Variants in CLYBL observed in about 807,000 individuals in gnomAD.
CLYBL encodes the protein citramalyl-CoA lyase, mitochondrial.
CLYBL carries 31 observed loss-of-function variants against 38.9 expected under a neutral mutation model. That is an observed-to-expected ratio of 0.80 (90% confidence interval 0.60 to 1.08). CLYBL has a LOEUF of 1.08. Among genes scored for constraint, CLYBL ranks in the 50% least tolerant of loss-of-function variants. The pLI is 0.00. For missense variants in CLYBL, 434 were observed against 411.6 expected (o/e 1.05, Z -0.47); for synonymous variants, 171 against 158.6 (o/e 1.08, Z -0.59).
downstream of CLYBL, chr13:99,894,179 C>T (rs2052541481): frequency 1.3e-5 from 2 of 152,434 alleles, no homozygotes; most frequent in African/African-American, 4.8e-5. Flanking sequence ...GGGTATTCCC[C>T]CTCTTTCCCC....
intron 6 of CLYBL, 86 bp from the exon 7 acceptor site, chr13:99,870,852 C>T: frequency 7.3e-7 from 1 of 1,367,726 alleles, no homozygotes; most frequent in Non-Finnish European, 1.0e-6. Context: ...GTCTATGAGG[C>T]CTTCAGGAAC....
intron 1 of CLYBL, among the ~76,000 whole-genome samples, chr13:99,656,160 A>C (rs1056124654): frequency 6.6e-6 from 1 of 152,144 alleles, no homozygotes; most frequent in South Asian, 2.1e-4. Flanking sequence ...TAGAGCAGAA[A>C]AGGTACAGTA....
chr13:99,690,600 A>G (rs1390221496), intron 1 of CLYBL: 2 of 152,138 alleles, frequency 1.3e-5, no homozygotes, highest in Admixed American at 1.3e-4. Context: ...TATCTTCATG[A>G]TTTGAGAATG....
At chr13:99,882,420 C>T (rs530780190) in intron 7 of CLYBL, among the ~76,000 whole-genome samples, 3 of 152,030 alleles carry the variant, frequency 2.0e-5, no homozygotes, top group Non-Finnish European at 4.4e-5. Context: ...TTTGGGAGGC[C>T]GCAGCAGGTG....
At chr13:99,862,633 T>C (rs953596279) in intron 3 of CLYBL, among the ~76,000 whole-genome samples, 2 of 152,196 alleles carry the variant, frequency 1.3e-5, no homozygotes, top group Admixed American at 6.5e-5. Context: ...AAGAGTTCAT[T>C]GTTTTAAGGG....
intron 1 of CLYBL, among the ~76,000 whole-genome samples, chr13:99,691,144 C>T (rs1184806029): frequency 1.3e-5 from 2 of 152,262 alleles, no homozygotes; most frequent in East Asian, 3.9e-4. Context: ...AGATGCCCTT[C>T]CCTAGATGCA....
intron 3 of CLYBL, among the ~76,000 whole-genome samples, 188 bp from the exon 4 acceptor site, chr13:99,862,803 T>C (rs1044807157): frequency 6.6e-6 from 1 of 152,220 alleles, no homozygotes; most frequent in Admixed American, 6.5e-5. Flanking sequence ...CTATTTAGTT[T>C]GGTGGGAACT....
At chr13:99,682,301 G>T (rs1279564747) in intron 1 of CLYBL, among the ~76,000 whole-genome samples, 2 of 151,988 alleles carry the variant, frequency 1.3e-5, no homozygotes, top group Admixed American at 6.6e-5. Flanking sequence ...CTGCCACCAT[G>T]CCTGACTAAT....
At position 99,608,072 on chromosome 13, in the gene CLYBL, TTTTTTTTTTTTTTTC is replaced by T. The variant is rs2046558615; in HGVS notation, c.62+1316_62+1330del. Among the ~76,000 whole-genome samples the T allele has an allele frequency of 3.3e-5, 4 of 120,156 alleles. No homozygotes were observed. In the South Asian group the frequency reaches 9.9e-4, roughly 30 times the overall value. 78.8% of individuals were successfully genotyped at this position (120,156 alleles called of 152,430 possible). A position where few individuals can be genotyped will look rare whatever the true frequency, so the allele number is the denominator to read the frequency against. The stretch of plus-strand genomic sequence containing the variant: ...GTGGTCTGGAACTTCTTTTTTTTTT[TTTTTTTTTTTTTTTC>T]CGAGATGGAGTTTCGCTTTTGTCGC... On this transcript the variant is annotated intron_variant, in intron 1 of 8. Coordinates refer to ENST00000339105, the MANE Select transcript of CLYBL (RefSeq NM_206808.5).
At chr13:99,614,427 G>C (rs1383348857) in intron 1 of CLYBL, among the ~76,000 whole-genome samples, 1 of 152,180 alleles carries the variant, frequency 6.6e-6, no homozygotes, top group African/African-American at 2.4e-5. Context: ...AGGGGTAGGG[G>C]ACATGCCTGG....
intron 1 of CLYBL, among the ~76,000 whole-genome samples, chr13:99,609,504 G>C (rs533546816): frequency 6.6e-6 from 1 of 151,956 alleles, no homozygotes; most frequent in Non-Finnish European, 1.5e-5. Flanking sequence ...TGATTGCTCC[G>C]TCTTCCAACT....
intron 1 of CLYBL, among the ~76,000 whole-genome samples, chr13:99,642,125 C>A (rs2047104275): frequency 6.6e-6 from 1 of 152,182 alleles, no homozygotes; most frequent in African/African-American, 2.4e-5. Context: ...TGAGGGATTG[C>A]TGGGAAGGAT....
intron 1 of CLYBL, among the ~76,000 whole-genome samples, chr13:99,719,793 C>T (rs1464424633): frequency 6.6e-6 from 1 of 152,208 alleles, no homozygotes; most frequent in African/African-American, 2.4e-5. Context: ...CAGGCATGAG[C>T]CACTGCACCT....
At chr13:99,634,652 A>G (rs1196927898) in intron 1 of CLYBL, among the ~76,000 whole-genome samples, 2 of 146,476 alleles carry the variant, frequency 1.4e-5, no homozygotes, top group East Asian at 4.6e-4. Flanking sequence ...TTTAATGTGG[A>G]TGTATTACTT....
chr13:99,793,292 G>C (rs771468037), intron 2 of CLYBL, among the ~76,000 whole-genome samples: 3 of 152,126 alleles, frequency 2.0e-5, no homozygotes, highest in Non-Finnish European at 4.4e-5. Context: ...TTCAATAGGG[G>C]TGTGAAATTA....
intron 2 of CLYBL, among the ~76,000 whole-genome samples, chr13:99,797,794 A>G (rs970448384): frequency 6.6e-6 from 1 of 152,212 alleles, no homozygotes; most frequent in Non-Finnish European, 1.5e-5. Context: ...ACTCAGTACT[A>G]CCAAGCTGCC....
intron 1 of CLYBL, among the ~76,000 whole-genome samples, chr13:99,611,954 C>T (rs2046632938): frequency 6.6e-6 from 1 of 152,170 alleles, no homozygotes. Flanking sequence ...ACACAATTCA[C>T]CCTTTGTAAG....
chr13:99,906,512 CT>C (rs1322597361), intron 9 of CLYBL, among the ~76,000 whole-genome samples: 35 of 152,126 alleles, frequency 2.3e-4, no homozygotes, highest in African/African-American at 8.2e-4. Context: ...CCACCTCCGC[CT>C]CCCGGGTTCA....
intron 1 of CLYBL, among the ~76,000 whole-genome samples, chr13:99,734,422 G>A (rs749621196): frequency 6.5e-4 from 99 of 151,956 alleles, no homozygotes; most frequent in African/African-American, 1.5e-3. Flanking sequence ...AAAACAAAAC[G>A]GAGGAGAATG....
Sources: gnomAD v4.1 joint callset for allele counts (sites outside exome capture counted in the v4.1 genomes callset) on GRCh38, gnomAD v4.1.1 for gene constraint, MANE v1.5 for transcripts, NCBI Gene and HGNC (gene_info 2026-07-23, HGNC 2026-07-21) for gene names.